Variants in FRMPD1 observed in about 807,000 individuals in gnomAD.
The protein encoded by FRMPD1 is FERM and PDZ domain-containing protein 1.
Under a neutral mutation model 117.8 loss-of-function variants are expected in FRMPD1, and 76 were observed. The ratio of observed to expected loss-of-function variants is 0.65; its 90% CI spans 0.54 to 0.78. The LOEUF is 0.78. FRMPD1 is among the 30% of genes least tolerant of loss of function. FRMPD1 has a pLI of 0.00. For missense variants in FRMPD1, 1,786 were observed against 1,964.5 expected (o/e 0.91, Z 1.72); for synonymous variants, 783 against 770.4 (o/e 1.02, Z -0.27).
intron 1 of FRMPD1, among the ~76,000 whole-genome samples, chr9:37,684,183 G>C (rs1821841715): frequency 1.3e-5 from 2 of 152,210 alleles, no homozygotes; most frequent in African/African-American, 4.8e-5. Flanking sequence ...CAAGGCTGGG[G>C]GGAGGCAGTG....
chr9:37,611,586 T>C, the FRMPD1 span, among the ~76,000 whole-genome samples: 2 of 152,218 alleles, frequency 1.3e-5, no homozygotes, highest in Non-Finnish European at 2.9e-5. Flanking sequence ...AGACTCTTTT[T>C]TTGCCCAAGT....
intron 7 of FRMPD1, among the ~76,000 whole-genome samples, chr9:37,725,802 G>T (rs1047373204): frequency 6.6e-6 from 1 of 152,196 alleles, no homozygotes; most frequent in Non-Finnish European, 1.5e-5. Flanking sequence ...CCCAAAAGCT[G>T]TCAAGATCAG....
chr9:37,658,347 T>C (rs896727697), intron 1 of FRMPD1, among the ~76,000 whole-genome samples: 1 of 152,148 alleles, frequency 6.6e-6, no homozygotes, highest in African/African-American at 2.4e-5. Flanking sequence ...GAGACCCGAG[T>C]GTCCTGGCCC....
At chr9:37,706,936 G>GTCCA (rs66686416) in intron 2 of FRMPD1, among the ~76,000 whole-genome samples, 14,066 of 150,096 alleles carry the variant, frequency 0.094, 1,083 homozygotes, top group African/African-American at 0.21. Flanking sequence ...CTGTCAGTCC[G>GTCCA]TCCATCCATC....
At chr9:37,607,033 G>A in the FRMPD1 span, among the ~76,000 whole-genome samples, 1 of 152,198 alleles carries the variant, frequency 6.6e-6, no homozygotes, top group Non-Finnish European at 1.5e-5. Context: ...TTAGAAACAT[G>A]GTTGAGCACA....
intron 5 of FRMPD1, among the ~76,000 whole-genome samples, 191 bp from the exon 6 acceptor site, chr9:37,718,878 C>T (rs566958813): frequency 1.3e-5 from 2 of 152,244 alleles, no homozygotes; most frequent in South Asian, 4.1e-4. Context: ...CTCAGGTACA[C>T]GAGAACATTA....
At chr9:37,610,016 A>G in the FRMPD1 span, among the ~76,000 whole-genome samples, 1 of 152,176 alleles carries the variant, frequency 6.6e-6, no homozygotes. Flanking sequence ...AGTTTTTACA[A>G]CTACCCCCGG....
intron 1 of FRMPD1, among the ~76,000 whole-genome samples, chr9:37,685,479 T>TA (rs1281136264): frequency 1.5e-4 from 22 of 148,922 alleles, no homozygotes; most frequent in East Asian, 4.0e-4. Context: ...CTGTCTCTAC[T>TA]AAAAATACAA....
the FRMPD1 span, among the ~76,000 whole-genome samples, chr9:37,628,924 C>T: frequency 3.7e-4 from 56 of 152,298 alleles, 1 homozygote; most frequent in Admixed American, 7.2e-4. Flanking sequence ...TCAGGCCGGG[C>T]GCGGTGGCTC....
At chr9:37,709,571 AAAAAG>A (rs1489832662) in intron 4 of FRMPD1, among the ~76,000 whole-genome samples, 4 of 152,176 alleles carry the variant, frequency 2.6e-5, no homozygotes, top group African/African-American at 7.2e-5. Context: ...AGAGAGAAAG[AAAAAG>A]AAAAGAAAAG....
intron 2 of FRMPD1, among the ~76,000 whole-genome samples, chr9:37,697,605 C>T (rs1196216744): frequency 1.3e-5 from 2 of 151,534 alleles, no homozygotes; most frequent in East Asian, 3.9e-4. Flanking sequence ...AATAGCTAAC[C>T]TCCCAAAAGG....
intron 1 of FRMPD1, among the ~76,000 whole-genome samples, chr9:37,675,464 A>G (rs897662963): frequency 1.3e-5 from 2 of 151,224 alleles, no homozygotes; most frequent in African/African-American, 2.4e-5. Context: ...AATGTGTGTG[A>G]TGGTGGTGGG....
chr9:37,655,821 C>T (rs928438179), intron 1 of FRMPD1, among the ~76,000 whole-genome samples: 4 of 152,082 alleles, frequency 2.6e-5, no homozygotes, highest in Admixed American at 2.6e-4. Context: ...CTTAATCCCC[C>T]TAGCCTCAGG....
At chr9:37,733,401 G>A (rs1823979542) in intron 10 of FRMPD1, 72 bp from the exon 11 acceptor site, 1 of 1,424,690 alleles carries the variant, frequency 7.0e-7, no homozygotes, top group Non-Finnish European at 9.7e-7. Context: ...TGAATCAAAT[G>A]TAATTATGCT....
At chr9:37,641,410 A>C in the FRMPD1 span, among the ~76,000 whole-genome samples, 6 of 152,316 alleles carry the variant, frequency 3.9e-5, no homozygotes, top group East Asian at 1.9e-4. Context: ...TATCCTTACT[A>C]GTTAATTTAA....
At chr9:37,711,003 G>C (rs1172633585) in intron 4 of FRMPD1, among the ~76,000 whole-genome samples, 1 of 151,528 alleles carries the variant, frequency 6.6e-6, no homozygotes, top group Non-Finnish European at 1.5e-5. Context: ...AATCTAGCTG[G>C]TTGTCACTGG....
chr9:37,662,678 T>A (rs1035896932), intron 1 of FRMPD1, among the ~76,000 whole-genome samples: 1 of 152,160 alleles, frequency 6.6e-6, no homozygotes, highest in Non-Finnish European at 1.5e-5. Flanking sequence ...GCACTAGGAT[T>A]TTTTGCTTTG....
In FRMPD1 at chr9:37,737,201, C is replaced by A; in HGVS notation, c.1507C>A (p.Pro503Thr). ...CCCAGTTACCTCCATTTTCCTCTGG[C>A]CTGGAAACAAACAACAAGCGCACCG... ...VDPVTSIFLW[P>T]GNKQQAHRVS... is the part of the protein sequence containing the mutation. The change falls in exon 14 of 16, where the codon CCT becomes ACT. Residue 503 changes from proline to threonine, a missense_variant. Coordinates refer to ENST00000377765, the MANE Select transcript of FRMPD1 (RefSeq NM_014907.3). 6.2e-7 allele frequency: 1 copy of A among 1,614,112 alleles called. No homozygotes were observed. The highest frequency in any genetic ancestry group is 1.7e-5 in the Admixed American group (1 of 60,020).
chr9:37,712,663 T>C (rs1342463059), intron 5 of FRMPD1, among the ~76,000 whole-genome samples: 1 of 152,246 alleles, frequency 6.6e-6, no homozygotes, highest in African/African-American at 2.4e-5. Flanking sequence ...GCCAGAACTG[T>C]ACTTCTTAAA....
Sources: allele counts gnomAD v4.1 joint callset (sites outside exome capture counted in the v4.1 genomes callset), GRCh38; gene constraint gnomAD v4.1.1; transcripts MANE v1.5; gene names NCBI Gene and HGNC (gene_info 2026-07-23, HGNC 2026-07-21).